MEGF11: variants seen among roughly 807,000 people sequenced by gnomAD.
MEGF11 encodes multiple EGF like domains 11, also known as multiple epidermal growth factor-like domains protein 11.
A neutral mutation model predicts 146.6 loss-of-function variants in MEGF11; 126 were observed. That is an observed-to-expected ratio of 0.86 (90% confidence interval 0.74 to 1.00). The LOEUF (loss-of-function observed/expected upper bound fraction) is 1.00, where lower values mean the gene tolerates loss of function less well. MEGF11 is among the 50% of genes least tolerant of loss of function. The pLI is 0.00. For missense variants in MEGF11, 1,509 were observed against 1,521.2 expected, an observed-to-expected ratio of 0.99 and a Z score of 0.13; for synonymous variants, 532 against 583.4, an observed-to-expected ratio of 0.91 and a Z score of 1.27.
chr15:66,040,924 T>TC (rs1426443882), intron 5 of MEGF11, among the ~76,000 whole-genome samples: 1 of 150,718 alleles, frequency 6.6e-6, no homozygotes, highest in East Asian at 1.9e-4. Context: ...TTTTTTTTTT[T>TC]TTCCCCCCCG....
At chr15:66,080,991 G>A (rs186968641) in intron 5 of MEGF11, among the ~76,000 whole-genome samples, 5 of 152,358 alleles carry the variant, frequency 3.3e-5, no homozygotes, top group East Asian at 1.9e-4. Flanking sequence ...CAGCCGGCTC[G>A]ATGCAGTGAA....
At chr15:66,094,599 G>A (rs915099736) in intron 4 of MEGF11, 105 bp from the exon 5 acceptor site, 30 of 971,696 alleles carry the variant, frequency 3.1e-5, no homozygotes, top group Non-Finnish European at 4.2e-5. Flanking sequence ...TGGTGCCCAG[G>A]GATGCTTAGA....
intron 1 of MEGF11, among the ~76,000 whole-genome samples, chr15:66,198,436 C>T (rs1354565419): frequency 1.3e-5 from 2 of 152,220 alleles, no homozygotes; most frequent in Non-Finnish European, 2.9e-5. Context: ...GTGATCTCAA[C>T]GTCATCAGCA....
At chr15:66,166,327 G>C (rs753204012) in intron 1 of MEGF11, among the ~76,000 whole-genome samples, 257 of 152,006 alleles carry the variant, frequency 1.7e-3, no homozygotes, top group Non-Finnish European at 7.1e-4. Context: ...TGCTGGCTCT[G>C]CCTCCAACAT....
chr15:65,992,745 G>A (rs192022439), intron 5 of MEGF11, among the ~76,000 whole-genome samples: 38 of 151,988 alleles, frequency 2.5e-4, no homozygotes, highest in African/African-American at 8.7e-4. Flanking sequence ...GGAACAGTAA[G>A]TGTGAGAGAC....
intron 5 of MEGF11, among the ~76,000 whole-genome samples, chr15:66,078,349 G>A (rs1228424778): frequency 3.3e-5 from 5 of 152,186 alleles, no homozygotes; most frequent in Non-Finnish European, 5.9e-5. Context: ...GCGGAAACAC[G>A]CCTGAGTGGA....
intron 10 of MEGF11, among the ~76,000 whole-genome samples, chr15:65,938,578 G>A (rs879460636): frequency 6.6e-6 from 1 of 152,170 alleles, no homozygotes; most frequent in Non-Finnish European, 1.5e-5. Flanking sequence ...CTACAGGGCA[G>A]GTCCCCATGC....
chr15:65,994,861 A>T (rs1015986812), intron 5 of MEGF11, among the ~76,000 whole-genome samples: 1 of 152,222 alleles, frequency 6.6e-6, no homozygotes, highest in Non-Finnish European at 1.5e-5. Context: ...CAACATCTGG[A>T]GCCAACTGGT....
rs140889352 is a variant in MEGF11 at position 66,170,936 on chromosome 15, G to A, written c.-8-42525C>T. 5.3e-5 allele frequency among the ~76,000 whole-genome samples: 8 copies of A among 152,350 alleles called. No homozygotes were observed. The East Asian group carries it at 1.4e-3, about 26-fold the overall frequency. On this transcript the variant is annotated intron_variant, in intron 1 of 25. Coordinates refer to ENST00000395614, the MANE Select transcript of MEGF11 (RefSeq NM_001385028.1). Reference sequence around the variant, plus strand: ...TCGGAGGTCCAGCTCAGGCTCCAAAGCCCTGCCCCGGGGGACCACCAAAGG... The same window carrying A: ...TCGGAGGTCCAGCTCAGGCTCCAAAACCCTGCCCCGGGGGACCACCAAAGG...
Position 65,982,166 on chromosome 15 carries a change from T to G in MEGF11, c.641+76A>C. 4.6e-6 allele frequency: 5 copies of G among 1,094,098 alleles called. No individual in the cohort carries two copies. The highest frequency in any genetic ancestry group is 1.8e-5 in the African/African-American group (1 of 55,932). The allele number at this position is 1,094,098 out of a possible 1,614,324, so 67.8% of individuals were successfully genotyped here. ...CCCGCCCCAGCCCCTCCACCTCCTC[T>G]ACCCTCCCCACCCAGGCACCCTCCA... On this transcript the variant is annotated intron_variant, in intron 6 of 25. Transcript: ENST00000395614. This position sits in a 1 kb window ranked among gnomAD's most constrained non-coding sequence, Gnocchi z 5.6.
chr15:66,184,521 C>T (rs996714612), intron 1 of MEGF11, among the ~76,000 whole-genome samples: 15 of 152,034 alleles, frequency 9.9e-5, no homozygotes, highest in African/African-American at 3.6e-4. Context: ...CACATCACTG[C>T]TACCTCACAC....
At position 65,906,117 on chromosome 15, in the gene MEGF11, T is replaced by G; in HGVS notation, c.3023A>C (p.Gln1008Pro). The G allele has an allele frequency of 6.2e-7, 1 of 1,611,104 alleles. No individual in the cohort carries two copies. Among genetic ancestry groups the G allele is most frequent in the Non-Finnish European group, 8.5e-7 (1 of 1,178,580 alleles). Residue 1008 changes from glutamine to proline, a missense_variant, in exon 24 of 26, where the codon CAG becomes CCG. By Grantham distance (76) the Gln-to-Pro change is moderately conservative. Transcript: ENST00000395614. ...SPGACGMDRR[Q>P]NTYIMDKGFK... ...GCCTTTGTCCATAATGTATGTGTTC[T>G]GACGTCTATCCATTCCACAAGCACC...
chr15:66,167,194 T>G (rs2090120029), intron 1 of MEGF11, among the ~76,000 whole-genome samples: 1 of 151,226 alleles, frequency 6.6e-6, no homozygotes, highest in South Asian at 2.1e-4. Context: ...ACCCTGGGGG[T>G]AAAGAAAGAA....
At chr15:66,083,976 G>A (rs1266893753) in intron 5 of MEGF11, among the ~76,000 whole-genome samples, 3 of 152,198 alleles carry the variant, frequency 2.0e-5, no homozygotes, top group African/African-American at 7.2e-5. Context: ...GGAACTCAGA[G>A]AACAGGAGAA....
At chr15:66,060,787 C>G (rs552507880) in intron 5 of MEGF11, among the ~76,000 whole-genome samples, 1 of 152,348 alleles carries the variant, frequency 6.6e-6, no homozygotes, top group South Asian at 2.1e-4. Context: ...AAGATCTGTG[C>G]AGTTGAACTG....
At chr15:66,186,284 T>C (rs1188669763) in intron 1 of MEGF11, among the ~76,000 whole-genome samples, 3 of 152,176 alleles carry the variant, frequency 2.0e-5, no homozygotes, top group African/African-American at 7.2e-5. Context: ...CTAGAGTTTT[T>C]GGAAGAAGAG....
chr15:66,033,833 C>G (rs947784076), intron 5 of MEGF11, among the ~76,000 whole-genome samples: 2 of 152,074 alleles, frequency 1.3e-5, no homozygotes, highest in Non-Finnish European at 2.9e-5. Context: ...GCCCTGTTGC[C>G]CAGACTAGAG....
At chr15:66,223,796 T>C (rs1046542627) in intron 1 of MEGF11, among the ~76,000 whole-genome samples, 1 of 152,222 alleles carries the variant, frequency 6.6e-6, no homozygotes, top group African/African-American at 2.4e-5. Flanking sequence ...TATATTTCAA[T>C]AAAGCTGCTA....
intron 5 of MEGF11, among the ~76,000 whole-genome samples, chr15:66,023,699 C>A (rs561714090): frequency 8.3e-4 from 125 of 150,764 alleles, no homozygotes; most frequent in Non-Finnish European, 1.6e-3. Flanking sequence ...AGAAAAGCCA[C>A]TGAATCAATG....
Sources: gnomAD v4.1 joint callset for allele counts (sites outside exome capture counted in the v4.1 genomes callset) on GRCh38, gnomAD v4.1.1 for gene constraint, Gnocchi (gnomAD v3.1) non-coding constraint, MANE v1.5 for transcripts, NCBI Gene and HGNC (gene_info 2026-07-23, HGNC 2026-07-21) for gene names.